The following TCOF1 variants were observed in gnomAD, a reference collection of about 807,000 sequenced individuals.
TCOF1 encodes the protein treacle ribosome biogenesis factor 1, also known as treacle protein.
A neutral mutation model predicts 149.0 loss-of-function variants in TCOF1; 33 were observed. The observed-to-expected ratio is 0.22, with a 90% CI of 0.17 to 0.30. The LOEUF is 0.30. TCOF1 is among the 10% of genes least tolerant of loss of function. The pLI is 1.00. For missense variants in TCOF1, 1,728 were observed against 1,840.7 expected, an observed-to-expected ratio of 0.94 and a Z score of 1.12; for synonymous variants, 789 against 738.8, an observed-to-expected ratio of 1.07 and a Z score of -1.10.
At chr5:150,385,362 C>G (rs180715268) in intron 17 of TCOF1, among the ~76,000 whole-genome samples, 10 of 152,344 alleles carry the variant, frequency 6.6e-5, no homozygotes, top group Admixed American at 6.5e-4. Context: ...CTAATCCTGG[C>G]TCTGGCACCA....
Position 150,375,926 on chromosome 5 carries a change from G to A in TCOF1, c.1893+17G>A, listed in dbSNP as rs898625403. 1.9e-6 allele frequency: 3 copies of A among 1,614,112 alleles called. No homozygotes were observed. Among genetic ancestry groups the A allele is most frequent in the Admixed American group, 1.7e-5 (1 of 60,036 alleles). On this transcript the variant is annotated intron_variant, in intron 12 of 26. Coordinates refer to ENST00000643257, the MANE Select transcript of TCOF1 (RefSeq NM_001371623.1). ...GCAGCTCAGGTGAGGCCTGGGGAAGGAGGCTGCTACATGGCCTGATCTGCC... is the reference window on the plus strand; with the variant it reads ...GCAGCTCAGGTGAGGCCTGGGGAAGAAGGCTGCTACATGGCCTGATCTGCC...
Position 150,369,418 on chromosome 5 carries a change from G to T in TCOF1, c.566-111G>T. 3 of 1,252,254 alleles carry T rather than the reference G, an allele frequency of 2.4e-6. No homozygotes were observed. In the South Asian group the frequency reaches 3.6e-5, roughly 15 times the overall value. 77.6% of individuals were successfully genotyped at this position (1,252,254 alleles called of 1,614,324 possible). Reference sequence around the variant, plus strand: ...AGTGCATGTGAGGCACACGAGGGGTGAGCGCTCAGCACCTGGCTTTGATGA... The same window carrying T: ...AGTGCATGTGAGGCACACGAGGGGTTAGCGCTCAGCACCTGGCTTTGATGA... On this transcript the variant is annotated intron_variant, in intron 5 of 26. Transcript: ENST00000643257.
Position 150,376,591 on chromosome 5 carries a change from A to G in TCOF1, c.2311A>G (p.Ser771Gly). Reference protein sequence around the residue: ...DSESSEEESDSEEAAASPAQV... With the variant: ...DSESSEEESDGEEAAASPAQV... Reference sequence around the variant, plus strand: ...TGAGAGCAGTGAGGAGGAATCAGACAGTGAGGAAGCAGCTGCATCTCCAGC... The same window carrying G: ...TGAGAGCAGTGAGGAGGAATCAGACGGTGAGGAAGCAGCTGCATCTCCAGC... The change falls in exon 14 of 27, where the codon AGT becomes GGT. Residue 771 changes from serine (S) to glycine (G), a missense_variant. By Grantham distance (56) the Ser-to-Gly change is moderately conservative. This residue lies in a region of TCOF1 where 1,696 missense variants were observed against 1,765.4 expected (regional missense o/e 0.96). Coordinates refer to ENST00000643257, the MANE Select transcript of TCOF1 (RefSeq NM_001371623.1). 1 of 1,580,450 alleles carries G rather than the reference A, an allele frequency of 6.3e-7. No individual in the cohort carries two copies. Among genetic ancestry groups the G allele is most frequent in the South Asian group, 1.1e-5 (1 of 87,412 alleles).
chr5:150,384,765 C>CCTCTT, intron 17 of TCOF1: 1 of 985,492 alleles, frequency 1.0e-6, no homozygotes, highest in Non-Finnish European at 1.2e-6. Flanking sequence ...GAAGCTGCAG[C>CCTCTT]CTCTTCCTGA....
intron 1 of TCOF1, among the ~76,000 whole-genome samples, chr5:150,359,216 A>G (rs548506527): frequency 5.9e-5 from 9 of 151,680 alleles, no homozygotes; most frequent in Non-Finnish European, 1.3e-4. Context: ...GCATGGTGGC[A>G]TGCACCTGTA....
Position 150,364,096 on chromosome 5 carries a change from T to G in TCOF1, c.165-17T>G. ...TCTGTCACCCAGTTGGTATAGACAG[T>G]CACCCTTGTCCTGCAGAACCTCAGA... On this transcript the variant is annotated splice_polypyrimidine_tract_variant and intron_variant, in intron 2 of 26. Transcript: ENST00000643257. The G allele has an allele frequency of 1.2e-6, 2 of 1,614,018 alleles. No individual in the cohort carries two copies. Among genetic ancestry groups the G allele is most frequent in the East Asian group, 4.5e-5 (2 of 44,876 alleles).
At position 150,372,215 on chromosome 5, in the gene TCOF1, C is replaced by A; in HGVS notation, c.849C>A (p.Ala283=). The A allele has an allele frequency of 1.2e-6, 2 of 1,612,294 alleles. No homozygotes were observed. The highest frequency in any genetic ancestry group is 2.2e-5 in the East Asian group (1 of 44,846). Residue 283 remains alanine, a synonymous_variant, in exon 7 of 27, where the codon GCC becomes GCA. Coordinates refer to ENST00000643257, the MANE Select transcript of TCOF1 (RefSeq NM_001371623.1). ...SEEGSESEEE[A]PAGTRSQVKA... is the part of the protein sequence containing the mutation. ...AGGGATCTGAAAGTGAGGAGGAGGC[C>A]CCTGCAGGGACACGAAGCCAGGTGA... is the stretch of plus-strand genomic sequence containing the variant.
At chr5:150,384,873 T>G in intron 17 of TCOF1, 19 of 985,466 alleles carry the variant, frequency 1.9e-5, no homozygotes, top group Non-Finnish European at 2.2e-5. Flanking sequence ...AGTTTCAGTC[T>G]GATTTTATTA....
rs749963400 is a variant in TCOF1 at position 150,398,332 on chromosome 5, AACTTT to A, written c.4346-12_4346-8del. 3.8e-5 allele frequency: 62 copies of A among 1,613,296 alleles called. No individual in the cohort carries two copies. The highest frequency in any genetic ancestry group is 1.6e-4 in the African/African-American group (12 of 74,948). ...TTAGGATTACCATCTGTTGTTCAGG[AACTTT>A]ACTTTACTTCCCTTAGGAAAAAAAG... On this transcript the variant is annotated splice_polypyrimidine_tract_variant and intron_variant, in intron 24 of 26. Coordinates refer to ENST00000643257, the MANE Select transcript of TCOF1 (RefSeq NM_001371623.1).
chr5:150,376,888 C>T (rs1334696027), intron 14 of TCOF1, among the ~76,000 whole-genome samples: 1 of 152,240 alleles, frequency 6.6e-6, no homozygotes, highest in South Asian at 2.1e-4. Context: ...CTGCCAGGTG[C>T]TGCCCTTGTC....
chr5:150,370,743 G>A (rs1456021885), intron 6 of TCOF1, among the ~76,000 whole-genome samples: 1 of 152,312 alleles, frequency 6.6e-6, no homozygotes, highest in East Asian at 1.9e-4. Flanking sequence ...AAGGCAGGAG[G>A]ATCATTTGAG....
chr5:150,378,703 A>T (rs1764358179), intron 14 of TCOF1: 1 of 657,918 alleles, frequency 1.5e-6, no homozygotes, highest in Non-Finnish European at 2.7e-6. Context: ...CATAACCCGT[A>T]GGTGGGCCTT....
At chr5:150,374,134 T>A (rs189931625) in intron 7 of TCOF1, 40 bp from the exon 8 acceptor site, 1,258 of 1,588,246 alleles carry the variant, frequency 7.9e-4, no homozygotes, top group Admixed American at 1.3e-3. Context: ...CAGAGAGTTT[T>A]CACAAGCAGG....
At chr5:150,398,042 C>T (rs947522569) in intron 24 of TCOF1, among the ~76,000 whole-genome samples, 4 of 152,210 alleles carry the variant, frequency 2.6e-5, no homozygotes, top group African/African-American at 7.2e-5. Context: ...CTTGCTTCAG[C>T]CCCCCAAATA....
At chr5:150,387,865 T>C in intron 17 of TCOF1, 37 bp from the exon 18 acceptor site, 1 of 1,613,280 alleles carries the variant, frequency 6.2e-7, no homozygotes, top group Non-Finnish European at 8.5e-7. Flanking sequence ...GCCAAGCCTT[T>C]AATCACTGGG....
rs1213690019 is a variant in TCOF1 at position 150,375,759 on chromosome 5, C to CTCCAGTCCT, written c.1744_1752dup (p.Ser582_Pro584dup). Reference sequence around the variant, plus strand: ...GGAACATCCTCCAGGCCAAACCCACCTCCAGTCCTGCCAAGGGGCCCCCTC... The same window carrying CTCCAGTCCT: ...GGAACATCCTCCAGGCCAAACCCACCTCCAGTCCTTCCAGTCCTGCCAAGGGGCCCCCTC... On this transcript the variant is annotated inframe_insertion, in exon 12 of 27. Coordinates refer to ENST00000643257, the MANE Select transcript of TCOF1 (RefSeq NM_001371623.1). The CTCCAGTCCT allele has an allele frequency of 6.2e-7, 1 of 1,614,158 alleles. No homozygotes were observed. The highest frequency in any genetic ancestry group is 8.5e-7 in the Non-Finnish European group (1 of 1,180,058).
intron 17 of TCOF1, chr5:150,383,646 A>G (rs1294146215): frequency 7.6e-7 from 1 of 1,308,518 alleles, no homozygotes; most frequent in Non-Finnish European, 1.1e-6. Flanking sequence ...GAGTTGAAGC[A>G]GTTTCCCCAA....
At chr5:150,359,173 C>G (rs568313410) in intron 1 of TCOF1, among the ~76,000 whole-genome samples, 17 of 152,114 alleles carry the variant, frequency 1.1e-4, no homozygotes, top group Admixed American at 7.2e-4. Flanking sequence ...ATGGTGAAAC[C>G]CTGTCTCTAC....
intron 14 of TCOF1, among the ~76,000 whole-genome samples, chr5:150,377,552 T>G (rs898663764): frequency 6.6e-6 from 1 of 152,234 alleles, no homozygotes; most frequent in African/African-American, 2.4e-5. Flanking sequence ...ACTCAGAAAT[T>G]AGTCATTTCT....
Sources: allele counts gnomAD v4.1 joint callset (sites outside exome capture counted in the v4.1 genomes callset), GRCh38; gene constraint gnomAD v4.1.1; regional missense constraint gnomAD v4.1.1; transcripts MANE v1.5; gene names NCBI Gene and HGNC (gene_info 2026-07-23, HGNC 2026-07-21).